Variants in CHKA observed in about 807,000 individuals in gnomAD.
The protein encoded by CHKA is choline kinase alpha, also known as CHETK-alpha.
CHKA carries 34 observed loss-of-function variants against 60.1 expected under a neutral mutation model. That is an observed-to-expected ratio of 0.57 (90% CI 0.43 to 0.75). The LOEUF is 0.75. CHKA is among the 30% of genes least tolerant of loss of function. The pLI is 0.00. For missense variants in CHKA, 563 were observed against 561.3 expected (o/e 1.00, Z -0.03); for synonymous variants, 217 against 223.1 (o/e 0.97, Z 0.24).
intron 1 of CHKA, among the ~76,000 whole-genome samples, chr11:68,108,540 C>A (rs989894302): frequency 2.6e-5 from 4 of 152,178 alleles, no homozygotes; most frequent in Non-Finnish European, 5.9e-5. Context: ...GTCAGGAGAT[C>A]GAGACCATCC....
In CHKA at chr11:68,081,442, C is replaced by T; in HGVS notation, c.478G>A (p.Glu160Lys). The change falls in exon 3 of 12, where the codon GAG (glutamate) becomes AAG (lysine). Residue 160 changes from glutamate to lysine, a missense_variant. Transcript: ENST00000265689. ...AILQMRSCNK[E>K]GSEQAQKENE... ...TCTTTCTGAGCTTGTTCGGATCCCT[C>T]TTTATTACAGGACCTCTATGAATGA... is the stretch of plus-strand genomic sequence containing the variant. 2 of 1,613,414 alleles carry T rather than the reference C, an allele frequency of 1.2e-6. No homozygotes were observed. The highest frequency in any genetic ancestry group is 1.1e-5 in the South Asian group (1 of 91,052).
chr11:68,118,310 G>A lies in CHKA; in HGVS notation c.350+2518C>T, dbSNP rs1260649420. On this transcript the variant is annotated intron_variant, in intron 1 of 11. Transcript: ENST00000265689. ...ACAAAAATTAGCCAGTAATGGTGGT[G>A]CGTGCCTGTAGTCCCAGCTACTTGA... 2.6e-5 allele frequency among the ~76,000 whole-genome samples: 4 copies of A among 152,216 alleles called. No individual in the cohort carries two copies. The South Asian group carries it at 8.3e-4, about 32-fold the overall frequency.
chr11:68,061,825 C>T (rs755450235), intron 11 of CHKA, 128 bp downstream of exon 11: 379 of 735,154 alleles, frequency 5.2e-4, no homozygotes, highest in Non-Finnish European at 7.5e-4. Flanking sequence ...TCACCACATT[C>T]GGGTACTTGG....
intron 10 of CHKA, among the ~76,000 whole-genome samples, chr11:68,064,196 CAGG>C (rs1420980398): frequency 1.3e-5 from 2 of 152,166 alleles, no homozygotes; most frequent in African/African-American, 4.8e-5. Context: ...CACTGGAGGT[CAGG>C]AGTTCAAGAC....
intron 11 of CHKA, among the ~76,000 whole-genome samples, chr11:68,058,840 T>C (rs559763908): frequency 2.1e-4 from 32 of 152,064 alleles, no homozygotes; most frequent in African/African-American, 7.2e-4. Flanking sequence ...GTACTTGGGG[T>C]GGGGGTCAAA....
intron 1 of CHKA, 157 bp downstream of exon 1, chr11:68,120,671 C>G: frequency 3.9e-6 from 1 of 257,998 alleles, no homozygotes; most frequent in Non-Finnish European, 6.7e-6. Context: ...AGAAGGAGGG[C>G]TTTCGCCGGC....
At chr11:68,079,982 G>A (rs1856925579) in intron 3 of CHKA, among the ~76,000 whole-genome samples, 1 of 152,194 alleles carries the variant, frequency 6.6e-6, no homozygotes, top group African/African-American at 2.4e-5. Flanking sequence ...CTGCCCTCAG[G>A]AGAGGAAACA....
chr11:68,100,502 A>C (rs1857668132), intron 1 of CHKA, among the ~76,000 whole-genome samples: 1 of 152,052 alleles, frequency 6.6e-6, no homozygotes, highest in South Asian at 2.1e-4. Flanking sequence ...AGGCAGGAGA[A>C]CTACTTGAAC....
At chr11:68,090,373 C>T (rs867400812) in intron 2 of CHKA, among the ~76,000 whole-genome samples, 10 of 152,104 alleles carry the variant, frequency 6.6e-5, no homozygotes, top group Non-Finnish European at 1.5e-4. Context: ...GATCCTAACA[C>T]AATGAGGAAA....
intron 1 of CHKA, 32 bp from the exon 2 acceptor site, chr11:68,097,162 T>C: frequency 2.0e-6 from 3 of 1,534,880 alleles, no homozygotes; most frequent in Non-Finnish European, 1.8e-6. Flanking sequence ...TAAGTATCTT[T>C]ATTGCAGGTG....
chr11:68,067,987 G>C (rs1395440064), intron 7 of CHKA, among the ~76,000 whole-genome samples: 1 of 152,240 alleles, frequency 6.6e-6, no homozygotes, highest in Admixed American at 6.5e-5. Context: ...GCAAGGTCAA[G>C]GCAGAGAGAG....
rs1255253508 is a variant in CHKA at position 68,121,206 on chromosome 11, C to A, written c.-29G>T. The A allele has an allele frequency of 2.0e-5, 23 of 1,146,858 alleles. No homozygotes were observed. Among genetic ancestry groups the A allele is most frequent in the Non-Finnish European group, 2.3e-5 (21 of 933,080 alleles). The allele number at this position is 1,146,858 out of a possible 1,614,324, so 71.0% of individuals were successfully genotyped here. A position where few individuals can be genotyped will look rare whatever the true frequency, so the allele number is the denominator to read the frequency against. On this transcript the variant is annotated 5_prime_UTR_variant, in exon 1 of 12. Transcript: ENST00000265689. ...CGACAGGCGGCCGAGGAGGCGCGGG[C>A]GGCCGCAGCGCGAGAGGACTAGGCT...
chr11:68,080,840 TC>T (rs2134590299), intron 3 of CHKA, among the ~76,000 whole-genome samples: 1 of 152,374 alleles, frequency 6.6e-6, no homozygotes, highest in Non-Finnish European at 1.5e-5. Context: ...GACCCCTGCC[TC>T]TGAGGCTCCA....
intron 10 of CHKA, among the ~76,000 whole-genome samples, chr11:68,062,286 C>A (rs538444800): frequency 2.2e-4 from 33 of 152,344 alleles, no homozygotes; most frequent in African/African-American, 7.9e-4. Flanking sequence ...GGCCATGGCA[C>A]ACGTAAATGC....
intron 8 of CHKA, 126 bp from the exon 9 acceptor site, chr11:68,066,020 G>C: frequency 1.6e-6 from 1 of 633,680 alleles, no homozygotes. Flanking sequence ...GACTTGCTGA[G>C]GGAGCAGGAC....
intron 1 of CHKA, 85 bp from the exon 2 acceptor site, chr11:68,097,215 G>C: frequency 1.0e-6 from 1 of 964,698 alleles, no homozygotes. Context: ...GAAAAGTCAG[G>C]GTTACACAAG....
At chr11:68,112,867 G>GGTCA (rs969624435) in intron 1 of CHKA, among the ~76,000 whole-genome samples, 1 of 151,836 alleles carries the variant, frequency 6.6e-6, no homozygotes, top group Non-Finnish European at 1.5e-5. Flanking sequence ...AGGATCACGA[G>GGTCA]GTCAGGAGAT....
At chr11:68,118,409 C>G (rs1287292569) in intron 1 of CHKA, among the ~76,000 whole-genome samples, 1 of 152,104 alleles carries the variant, frequency 6.6e-6, no homozygotes, top group African/African-American at 2.4e-5. Context: ...CCACTGCACT[C>G]CAGCCTGCGC....
At position 68,070,250 on chromosome 11, in the gene CHKA, T is replaced by C. The variant is rs1565176218; in HGVS notation, c.808A>G (p.Arg270Gly). 2 of 1,614,128 alleles carry C rather than the reference T, an allele frequency of 1.2e-6. No individual in the cohort carries two copies. Among genetic ancestry groups the C allele is most frequent in the Non-Finnish European group, 1.7e-6 (2 of 1,179,962 alleles). ...VLRIKFTEES[R>G]IKKLHKLLSY... is the part of the protein sequence containing the mutation. ...AGCAATTTGTGGAGCTTTTTAATTCTGGATTCCTCAGTAAATTTAATTCTC... is the reference window on the plus strand; with the variant it reads ...AGCAATTTGTGGAGCTTTTTAATTCCGGATTCCTCAGTAAATTTAATTCTC... The change falls in exon 6 of 12, where the codon AGA becomes GGA. Residue 270 changes from arginine (R) to glycine (G), a missense_variant. Physicochemically the swap from Arg to Gly is moderately radical, Grantham distance 125. Transcript: ENST00000265689.
Sources: allele counts gnomAD v4.1 joint callset (sites outside exome capture counted in the v4.1 genomes callset), GRCh38; gene constraint gnomAD v4.1.1; transcripts MANE v1.5; gene names NCBI Gene and HGNC (gene_info 2026-07-23, HGNC 2026-07-21).